FEZ1: variants seen among roughly 807,000 people sequenced by gnomAD.
FEZ1 encodes fasciculation and elongation protein zeta 1, also known as fasciculation and elongation protein zeta-1.
In FEZ1, 20 loss-of-function variants were observed where a neutral mutation model predicts 49.3. The ratio of observed to expected loss-of-function variants is 0.41; its 90% CI spans 0.29 to 0.59. FEZ1 has a LOEUF of 0.59. Ranked by LOEUF, FEZ1 falls within the 20% of genes least tolerant of loss-of-function variation. The pLI, the probability that FEZ1 is intolerant of heterozygous loss-of-function variation, is 0.36. For missense variants in FEZ1, 413 were observed against 476.0 expected, an observed-to-expected ratio of 0.87 and a Z score of 1.23; for synonymous variants, 170 against 180.9, an observed-to-expected ratio of 0.94 and a Z score of 0.48.
rs1452720453 is a variant in FEZ1, at chr11:125,489,461, T to G, written c.311+6A>C. On this transcript the variant is annotated splice_donor_region_variant and intron_variant, in intron 2 of 9. Transcript: ENST00000278919. This position sits in a 1 kb window ranked among gnomAD's most constrained non-coding sequence, Gnocchi z 4.2. ...GAAGCAGGAGAGGGCAATTAAGACT[T>G]CTTACTCCTCGTCCTGAAGGGTCTC... 1 of 1,606,876 alleles carries G rather than the reference T, an allele frequency of 6.2e-7. No individual in the cohort carries two copies. Among genetic ancestry groups the G allele is most frequent in the Non-Finnish European group, 8.5e-7 (1 of 1,176,928 alleles).
At chr11:125,476,011 C>T (rs111631138) in intron 3 of FEZ1, among the ~76,000 whole-genome samples, 2,247 of 152,224 alleles carry the variant, frequency 0.015, 53 homozygotes, top group African/African-American at 0.049. Context: ...TGGATGAATA[C>T]CTAATTACAT....
At chr11:125,452,802 C>A (rs1956969911) in intron 7 of FEZ1, 1 of 166,806 alleles carries the variant, frequency 6.0e-6, no homozygotes, top group Admixed American at 6.1e-5. Context: ...GAACCTCAAC[C>A]CCGCCCAGGG....
At position 125,463,511 on chromosome 11, in the gene FEZ1, G is replaced by A. The variant is rs148401183; in HGVS notation, c.471C>T (p.Asn157=). Residue 157 remains asparagine (N), a synonymous_variant, in exon 4 of 10, where the codon AAC becomes AAT. Coordinates refer to ENST00000278919, the MANE Select transcript of FEZ1 (RefSeq NM_005103.5). ...NEKSENDSGI[N]EEPLLTADQV... ...GATCTGCTGTGAGCAGAGGCTCCTC[G>A]TTGATACCGGAATCATTTTCACTCT... 33 of 1,609,162 alleles carry A rather than the reference G, an allele frequency of 2.1e-5. No homozygotes were observed. The highest frequency in any genetic ancestry group is 1.6e-4 in the African/African-American group (12 of 74,790).
chr11:125,462,665 C>A (rs1010092478), intron 4 of FEZ1, among the ~76,000 whole-genome samples: 1 of 152,200 alleles, frequency 6.6e-6, no homozygotes, highest in Non-Finnish European at 1.5e-5. Context: ...TGCAGGTGGG[C>A]AACCTGAGGC....
intron 2 of FEZ1, among the ~76,000 whole-genome samples, chr11:125,482,468 G>T (rs1957290658): frequency 6.6e-6 from 1 of 152,168 alleles, no homozygotes; most frequent in African/African-American, 2.4e-5. Context: ...TACATTATAA[G>T]AAAGGATTTC....
chr11:125,476,568 T>C (rs1394459904), intron 3 of FEZ1, among the ~76,000 whole-genome samples: 5 of 152,124 alleles, frequency 3.3e-5, no homozygotes, highest in Admixed American at 1.3e-4. Context: ...AAAAATTCAT[T>C]CTAAAGCACA....
chr11:125,450,325 C>T (rs571467581), intron 8 of FEZ1, among the ~76,000 whole-genome samples: 44 of 152,314 alleles, frequency 2.9e-4, no homozygotes, highest in East Asian at 5.8e-4. Flanking sequence ...CCACCATACT[C>T]GGCCTGTTTT....
At chr11:125,482,332 C>T (rs1240015168) in intron 2 of FEZ1, among the ~76,000 whole-genome samples, 1 of 152,130 alleles carries the variant, frequency 6.6e-6, no homozygotes, top group Non-Finnish European at 1.5e-5. Context: ...TCCAACATCA[C>T]GGACACTCTC....
chr11:125,453,371 G>T (rs768496677), intron 7 of FEZ1: 1 of 152,158 alleles, frequency 6.6e-6, no homozygotes, highest in South Asian at 2.1e-4. Flanking sequence ...GACTGGGATC[G>T]ATGCTGCTAA....
At chr11:125,462,761 G>A (rs1307585876) in intron 4 of FEZ1, among the ~76,000 whole-genome samples, 7 of 152,164 alleles carry the variant, frequency 4.6e-5, no homozygotes, top group Non-Finnish European at 8.8e-5. Flanking sequence ...CACTTTGGGA[G>A]GCCAAGGCGG....
chr11:125,468,592 C>T (rs1213175216), intron 3 of FEZ1, among the ~76,000 whole-genome samples: 2 of 152,110 alleles, frequency 1.3e-5, no homozygotes, highest in Non-Finnish European at 2.9e-5. Flanking sequence ...CCTCCTCAAA[C>T]CCTACTAAAA....
intron 3 of FEZ1, among the ~76,000 whole-genome samples, chr11:125,472,764 C>A (rs1214343093): frequency 3.3e-5 from 5 of 151,970 alleles, no homozygotes; most frequent in South Asian, 2.1e-4. Flanking sequence ...ATGCAAAAAT[C>A]TTTAATAAAA....
At position 125,489,325 on chromosome 11, in the gene FEZ1, G is replaced by A. The variant is rs1330295629; in HGVS notation, c.311+142C>T. Reference sequence around the variant, plus strand: ...GACATATATAGAGCTATGACAGCAAGTACCAGGGCACTGCTCCGCTGGCAA... The same window carrying A: ...GACATATATAGAGCTATGACAGCAAATACCAGGGCACTGCTCCGCTGGCAA... On this transcript the variant is annotated intron_variant, in intron 2 of 9. Coordinates refer to ENST00000278919, the MANE Select transcript of FEZ1 (RefSeq NM_005103.5). The surrounding 1 kb of genome is among the most constrained non-coding windows in gnomAD (Gnocchi z 4.2). 9.1e-6 allele frequency: 13 copies of A among 1,432,584 alleles called. No individual in the cohort carries two copies. The African/African-American group carries it at 1.0e-4, about 11-fold the overall frequency. 88.7% of individuals were successfully genotyped at this position (1,432,584 alleles called of 1,614,324 possible).
chr11:125,468,072 T>C (rs1449498524), intron 3 of FEZ1, among the ~76,000 whole-genome samples: 2 of 152,200 alleles, frequency 1.3e-5, no homozygotes, highest in Admixed American at 6.5e-5. Flanking sequence ...GACCTAAAAA[T>C]GTAAATGTAC....
chr11:125,448,190 T>C (rs1195834379), intron 9 of FEZ1, among the ~76,000 whole-genome samples: 1 of 152,200 alleles, frequency 6.6e-6, no homozygotes, highest in African/African-American at 2.4e-5. Flanking sequence ...AGTATTAAAT[T>C]ATCATCAGGT....
intron 3 of FEZ1, among the ~76,000 whole-genome samples, chr11:125,465,495 G>T (rs1957119412): frequency 6.6e-6 from 1 of 152,128 alleles, no homozygotes; most frequent in South Asian, 2.1e-4. Context: ...CCTCTCAGGC[G>T]CAAAGCCTCC....
intron 1 of FEZ1, among the ~76,000 whole-genome samples, chr11:125,492,683 T>C (rs1234416199): frequency 2.6e-5 from 4 of 152,250 alleles, no homozygotes; most frequent in Admixed American, 2.6e-4. Flanking sequence ...AATTTCATCA[T>C]CTATAAAATG....
In FEZ1 at chr11:125,489,946, A is replaced by G; in HGVS notation, c.-45-124T>C. On this transcript the variant is annotated intron_variant, in intron 1 of 9. Coordinates refer to ENST00000278919, the MANE Select transcript of FEZ1 (RefSeq NM_005103.5). This position sits in a 1 kb window ranked among gnomAD's most constrained non-coding sequence, Gnocchi z 4.2. ...AAAACAAGGCACTGGTTAAGTACGAAGCTCCTGGACAAGATCGTCTAGGTT... is the reference window on the plus strand; with the variant it reads ...AAAACAAGGCACTGGTTAAGTACGAGGCTCCTGGACAAGATCGTCTAGGTT... 1.2e-6 allele frequency: 1 copy of G among 828,844 alleles called. No homozygotes were observed. The highest frequency in any genetic ancestry group is 3.2e-5 in the South Asian group (1 of 31,596). The allele number at this position is 828,844 out of a possible 1,614,324, so 51.3% of individuals were successfully genotyped here. A position where few individuals can be genotyped will look rare whatever the true frequency, so the allele number is the denominator to read the frequency against.
Position 125,481,618 on chromosome 11 carries a change from C to A in FEZ1, c.327G>T (p.Leu109=). ...AGAGTGAAGGGATGTAATTGTCTGTCAGAGCATCCCAAACCCTGTAAACAA... is the reference window on the plus strand; with the variant it reads ...AGAGTGAAGGGATGTAATTGTCTGTAAGAGCATCCCAAACCCTGTAAACAA... ...TLQDEEVWDA[L]TDNYIPSLSE... The change falls in exon 3 of 10, where the codon CTG becomes CTT. Residue 109 remains leucine (L), a synonymous_variant. Coordinates refer to ENST00000278919, the MANE Select transcript of FEZ1 (RefSeq NM_005103.5). 1 of 1,610,072 alleles carries A rather than the reference C, an allele frequency of 6.2e-7. No homozygotes were observed. The highest frequency in any genetic ancestry group is 2.2e-5 in the East Asian group (1 of 44,868).
Sources: allele counts gnomAD v4.1 joint callset (sites outside exome capture counted in the v4.1 genomes callset), GRCh38; gene constraint gnomAD v4.1.1; non-coding constraint Gnocchi (gnomAD v3.1); transcripts MANE v1.5; gene names NCBI Gene and HGNC (gene_info 2026-07-23, HGNC 2026-07-21).